FBH1: variants seen among roughly 807,000 people sequenced by gnomAD.
The protein encoded by FBH1 is DNA 3'-5' helicase 1.
A neutral mutation model predicts 115.5 loss-of-function variants in FBH1; 43 were observed. The observed-to-expected ratio is 0.37, with a 90% CI of 0.29 to 0.48. FBH1 has a LOEUF of 0.48. Ranked by LOEUF, FBH1 falls within the 20% of genes least tolerant of loss-of-function variation. The pLI is 0.99. For synonymous variants in FBH1, 524 were observed against 507.8 expected, an observed-to-expected ratio of 1.03 and a Z score of -0.43; for missense variants, 1,001 against 1,337.3, an observed-to-expected ratio of 0.75 and a Z score of 3.92.
At chr10:5,896,861 A>C (rs774261837) in intron 1 of FBH1, among the ~76,000 whole-genome samples, 11 of 152,122 alleles carry the variant, frequency 7.2e-5, no homozygotes, top group Non-Finnish European at 1.3e-4. Flanking sequence ...TGCTGTGTAG[A>C]GAGGGAGGCA....
rs954517096 is a variant in FBH1, at chr10:5,897,920, T to C, written c.2-5100T>C. On this transcript the variant is annotated intron_variant, in intron 1 of 20. Coordinates refer to ENST00000362091, the MANE Select transcript of FBH1 (RefSeq NM_178150.3). The surrounding 1 kb of genome is among the most constrained non-coding windows in gnomAD (Gnocchi z 4.7). ...TAAATAAAAATCTATCCTGTTCATA[T>C]TACCTTTTCCAAAGCAGTTCCCTTT... is the stretch of plus-strand genomic sequence containing the variant. 1.6e-4 allele frequency among the ~76,000 whole-genome samples: 25 copies of C among 152,220 alleles called. No individual in the cohort carries two copies. Among genetic ancestry groups the C allele is most frequent in the African/African-American group, 4.8e-4 (20 of 41,456 alleles).
intron 19 of FBH1, chr10:5,928,418 G>A (rs1332780685): frequency 6.6e-6 from 1 of 152,184 alleles, no homozygotes; most frequent in Non-Finnish European, 1.5e-5. Flanking sequence ...CCAAAGTGCT[G>A]GAGTTACAGG....
In FBH1 at chr10:5,931,211, C is replaced by T. The variant is rs1050473132; in HGVS notation, c.2829+3670C>T. Among the ~76,000 whole-genome samples, 4 of 152,250 alleles carry T rather than the reference C, an allele frequency of 2.6e-5. No individual in the cohort carries two copies. Among genetic ancestry groups the T allele is most frequent in the Non-Finnish European group, 5.9e-5 (4 of 68,042 alleles). On this transcript the variant is annotated intron_variant, in intron 19 of 20. Coordinates refer to ENST00000362091, the MANE Select transcript of FBH1 (RefSeq NM_178150.3). This position sits in a 1 kb window ranked among gnomAD's most constrained non-coding sequence, Gnocchi z 4.3. ...TGGCCCCTGGCCATCCTAGCACCCT[C>T]CCTCCTTTCTGAGGGTAACTGCCAT...
In FBH1 at chr10:5,910,202, A is replaced by C. The variant is rs1831488654; in HGVS notation, c.1021-736A>C. 1.3e-5 allele frequency among the ~76,000 whole-genome samples: 2 copies of C among 152,126 alleles called. No individual in the cohort carries two copies. Among genetic ancestry groups the C allele is most frequent in the South Asian group, 4.2e-4 (2 of 4,816 alleles). ...GAGGCTGAGACAAGCAAATTGCTTG[A>C]ACCTGGCAAGCAGAGGTTGCGGTGA... On this transcript the variant is annotated intron_variant, in intron 5 of 20. Transcript: ENST00000362091. The surrounding 1 kb of genome is among the most constrained non-coding windows in gnomAD (Gnocchi z 4.8).
chr10:5,904,587 A>T (rs145601811), intron 2 of FBH1, among the ~76,000 whole-genome samples: 52 of 152,312 alleles, frequency 3.4e-4, no homozygotes, highest in African/African-American at 1.2e-3. Context: ...TGGGAGCAGT[A>T]GCTCATGCCT....
rs1201753204 is a variant in FBH1, at chr10:5,913,914, T to C, written c.1304+75T>C. 1 of 1,204,974 alleles carries C rather than the reference T, an allele frequency of 8.3e-7. No homozygotes were observed. 74.6% of individuals were successfully genotyped at this position (1,204,974 alleles called of 1,614,324 possible). On this transcript the variant is annotated intron_variant, in intron 7 of 20. Coordinates refer to ENST00000362091, the MANE Select transcript of FBH1 (RefSeq NM_178150.3). This position sits in a 1 kb window ranked among gnomAD's most constrained non-coding sequence, Gnocchi z 4.4. The stretch of plus-strand genomic sequence containing the variant: ...CTCATACTTAAGGAGGGAGATGTTT[T>C]GCTTCACTTTAGCAACATCATTGAG...
In FBH1 at chr10:5,932,611, A is replaced by G. The variant is rs375837645; in HGVS notation, c.2830-3845A>G. 3.3e-5 allele frequency among the ~76,000 whole-genome samples: 5 copies of G among 152,208 alleles called. No individual in the cohort carries two copies. In the East Asian group the frequency reaches 5.8e-4, roughly 18 times the overall value. ...TTCATTAATAATGCTGCATTGCACA[A>G]TCTTGTGCACAGGTCATTTCTGTTT... On this transcript the variant is annotated intron_variant, in intron 19 of 20. Coordinates refer to ENST00000362091, the MANE Select transcript of FBH1 (RefSeq NM_178150.3). This position sits in a 1 kb window ranked among gnomAD's most constrained non-coding sequence, Gnocchi z 5.9.
Position 5,923,854 on chromosome 10 carries a change from C to T in FBH1, c.2398+158C>T, listed in dbSNP as rs1002473147. The T allele has an allele frequency of 4.9e-5, 32 of 648,386 alleles. No individual in the cohort carries two copies. In the Admixed American group the frequency reaches 5.7e-4, roughly 12 times the overall value. The allele number at this position is 648,386 out of a possible 1,614,324, so 40.2% of individuals were successfully genotyped here. On this transcript the variant is annotated intron_variant, in intron 16 of 20. Transcript: ENST00000362091. The surrounding 1 kb of genome is among the most constrained non-coding windows in gnomAD (Gnocchi z 5.7). ...ATGACGAGGGGGGTGCCTCGGGCCT[C>T]CTGTTTTCATAGGTACTGACAGATT...
Position 5,909,590 on chromosome 10 carries a change from T to G in FBH1, c.1020+296T>G. 1 of 353,308 alleles carries G rather than the reference T, an allele frequency of 2.8e-6. No individual in the cohort carries two copies. Among genetic ancestry groups the G allele is most frequent in the African/African-American group, 2.1e-5 (1 of 47,522 alleles). The allele number at this position is 353,308 out of a possible 1,614,324, so 21.9% of individuals were successfully genotyped here. A position where few individuals can be genotyped will look rare whatever the true frequency, so the allele number is the denominator to read the frequency against. On this transcript the variant is annotated intron_variant, in intron 5 of 20. Coordinates refer to ENST00000362091, the MANE Select transcript of FBH1 (RefSeq NM_178150.3). This position sits in a 1 kb window ranked among gnomAD's most constrained non-coding sequence, Gnocchi z 4.4. ...AAGTGGTCATCTAGCCTCTGAACAC[T>G]TTTAATAATAGGATTTCTTTACAAG...
Position 5,908,975 on chromosome 10 carries a change from A to G in FBH1, c.804A>G (p.Gln268=). The change falls in exon 4 of 21, where the codon CAA becomes CAG. Residue 268 remains glutamine (Q), a synonymous_variant. Coordinates refer to ENST00000362091, the MANE Select transcript of FBH1 (RefSeq NM_178150.3). ...ATCGATACCTGATGAATGAAGAGCA[A>G]GCTGTCAGCAAAGTGGACGGCATCC... is the stretch of plus-strand genomic sequence containing the variant. ...LYHRYLMNEE[Q]AVSKVDGILS... The G allele has an allele frequency of 6.2e-7, 1 of 1,614,216 alleles. No individual in the cohort carries two copies. Among genetic ancestry groups the G allele is most frequent in the South Asian group, 1.1e-5 (1 of 91,088 alleles).
At position 5,937,550 on chromosome 10, in the gene FBH1, T is replaced by A; in HGVS notation, c.*270T>A. 3.6e-6 allele frequency: 1 copy of A among 281,128 alleles called. No individual in the cohort carries two copies. Among genetic ancestry groups the A allele is most frequent in the Non-Finnish European group, 6.5e-6 (1 of 153,150 alleles). The allele number at this position is 281,128 out of a possible 1,614,324, so 17.4% of individuals were successfully genotyped here. A position where few individuals can be genotyped will look rare whatever the true frequency, so the allele number is the denominator to read the frequency against. ...AAAAAAAAAATTTATGTATTTAAAC[T>A]TTTATTACAAGATTTCAATTAAACA... is the stretch of plus-strand genomic sequence containing the variant. On this transcript the variant is annotated 3_prime_UTR_variant, in exon 21 of 21. Transcript: ENST00000362091.
rs771523050 is a variant in FBH1 at position 5,900,758 on chromosome 10, T to C, written c.2-2262T>C. Among the ~76,000 whole-genome samples, 12 of 152,196 alleles carry C rather than the reference T, an allele frequency of 7.9e-5. No homozygotes were observed. Among genetic ancestry groups the C allele is most frequent in the South Asian group, 2.1e-4 (1 of 4,828 alleles). On this transcript the variant is annotated intron_variant, in intron 1 of 20. Transcript: ENST00000362091. This position sits in a 1 kb window ranked among gnomAD's most constrained non-coding sequence, Gnocchi z 4.2. ...TAATGAAAAAATATTGTAAACTATA[T>C]CAGCTAAATCACTGGGGTCTTGGCT...
At position 5,937,344 on chromosome 10, in the gene FBH1, A is replaced by G. The variant is rs983880116; in HGVS notation, c.*64A>G. On this transcript the variant is annotated 3_prime_UTR_variant, in exon 21 of 21. Transcript: ENST00000362091. ...CCGAGGACCCCGCGTGAAGAAAGCC[A>G]GCGAGGGGGGCTTCTGCTCCCTGAG... The G allele has an allele frequency of 3.5e-6, 5 of 1,414,400 alleles. No individual in the cohort carries two copies. Among genetic ancestry groups the G allele is most frequent in the Non-Finnish European group, 3.7e-6 (4 of 1,075,448 alleles). The allele number at this position is 1,414,400 out of a possible 1,614,324, so 87.6% of individuals were successfully genotyped here.
At chr10:5,896,880 G>C (rs1843041861) in intron 1 of FBH1, among the ~76,000 whole-genome samples, 1 of 152,104 alleles carries the variant, frequency 6.6e-6, no homozygotes, top group African/African-American at 2.4e-5. Context: ...CATACCATGA[G>C]CTTTGCGTGA....
chr10:5,929,045 A>G (rs1047184023), intron 19 of FBH1, among the ~76,000 whole-genome samples: 6 of 151,986 alleles, frequency 3.9e-5, no homozygotes, highest in Admixed American at 1.3e-4. Context: ...ATGATATTCA[A>G]CTCTCAGAGG....
Position 5,894,947 on chromosome 10 carries a change from C to T in FBH1, c.1+4601C>T, listed in dbSNP as rs1350389763. On this transcript the variant is annotated intron_variant, in intron 1 of 20. Transcript: ENST00000362091. ...TTACAAGTATCTCGGGTGTACAGGG[C>T]GGTTTTATTCCTGCGAAGTGCTTCC... 7 of 1,268,298 alleles carry T rather than the reference C, an allele frequency of 5.5e-6. 1 individual carries two copies. The highest frequency in any genetic ancestry group is 2.9e-5 in the South Asian group (2 of 68,826). The allele number at this position is 1,268,298 out of a possible 1,614,324, so 78.6% of individuals were successfully genotyped here.
intron 1 of FBH1, chr10:5,894,132 G>A (rs1050028063): frequency 6.2e-5 from 61 of 985,288 alleles, no homozygotes; most frequent in Middle Eastern, 5.2e-4. Flanking sequence ...AGCAGGCTGT[G>A]GTAGCCTGGC....
rs1842947045 is a variant in FBH1, at chr10:5,895,323, A to C, written c.1+4977A>C. The C allele has an allele frequency of 1.2e-6, 1 of 806,514 alleles. No homozygotes were observed. The highest frequency in any genetic ancestry group is 1.8e-5 in the African/African-American group (1 of 56,208). 50.0% of individuals were successfully genotyped at this position (806,514 alleles called of 1,614,324 possible). A position where few individuals can be genotyped will look rare whatever the true frequency, so the allele number is the denominator to read the frequency against. On this transcript the variant is annotated intron_variant, in intron 1 of 20. Transcript: ENST00000362091. This position sits in a 1 kb window ranked among gnomAD's most constrained non-coding sequence, Gnocchi z 5.0. Reference sequence around the variant, plus strand: ...CAGTTTCTCCAGTCAGGTACCTTGTACTAGCGAGTCAACTTGATTTTTTTT... The same window carrying C: ...CAGTTTCTCCAGTCAGGTACCTTGTCCTAGCGAGTCAACTTGATTTTTTTT...
Position 5,937,207 on chromosome 10 carries a change from T to A in FBH1, c.3059T>A (p.Val1020Glu). 2 of 1,614,018 alleles carry A rather than the reference T, an allele frequency of 1.2e-6. No homozygotes were observed. The highest frequency in any genetic ancestry group is 1.7e-6 in the Non-Finnish European group (2 of 1,179,960). ...LAFLTASPEQVRAMERTVENI... is the reference protein window; with the variant it reads ...LAFLTASPEQERAMERTVENI... Reference sequence around the variant, plus strand: ...TTCCTGACAGCCTCCCCGGAGCAGGTGCGCGCCATGGAGCGCACTGTGGAG... The same window carrying A: ...TTCCTGACAGCCTCCCCGGAGCAGGAGCGCGCCATGGAGCGCACTGTGGAG... The change falls in exon 21 of 21, where the codon GTG (valine) becomes GAG (glutamate). Residue 1020 changes from valine to glutamate, a missense_variant. This residue lies in a region of FBH1 where 521 missense variants were observed against 811.0 expected (regional missense o/e 0.64). Transcript: ENST00000362091.
Sources: gnomAD v4.1 joint callset for allele counts (sites outside exome capture counted in the v4.1 genomes callset) on GRCh38, gnomAD v4.1.1 for gene constraint, gnomAD v4.1.1 regional missense constraint, Gnocchi (gnomAD v3.1) non-coding constraint, MANE v1.5 for transcripts, NCBI Gene and HGNC (gene_info 2026-07-23, HGNC 2026-07-21) for gene names.